Variants in PTPN1 observed in about 807,000 individuals in gnomAD.
PTPN1 encodes the protein tyrosine-protein phosphatase non-receptor type 1.
PTPN1 carries 12 observed loss-of-function variants against 59.9 expected under a neutral mutation model. That is an observed-to-expected ratio of 0.20 (90% CI 0.13 to 0.32). The LOEUF (loss-of-function observed/expected upper bound fraction) is 0.32, where lower values mean the gene tolerates loss of function less well. Among genes scored for constraint, PTPN1 ranks in the 10% least tolerant of loss-of-function variants. The pLI is 1.00. For synonymous variants in PTPN1, 178 were observed against 203.6 expected, an observed-to-expected ratio of 0.87 and a Z score of 1.07; for missense variants, 356 against 549.2, an observed-to-expected ratio of 0.65 and a Z score of 3.52.
chr20:50,581,124 C>T, intron 8 of PTPN1, 141 bp from the exon 9 acceptor site: 6 of 1,371,084 alleles, frequency 4.4e-6, no homozygotes, highest in Non-Finnish European at 5.7e-6. Flanking sequence ...GCAGAGGGGG[C>T]TGGCTCGCTG....
At chr20:50,555,466 G>T (rs572891350) in intron 1 of PTPN1, among the ~76,000 whole-genome samples, 2 of 152,202 alleles carry the variant, frequency 1.3e-5, no homozygotes, top group Non-Finnish European at 2.9e-5. Context: ...TTGTATCTTG[G>T]TTGCATTGAT....
In PTPN1 at chr20:50,547,373, C is replaced by A. The variant is rs115844808; in HGVS notation, c.64-13990C>A. Reference sequence around the variant, plus strand: ...CCCAAATTCATTTTATCTGCATTAACTTTTTTTTTTTTGAGAGTCTCGCTC... The same window carrying A: ...CCCAAATTCATTTTATCTGCATTAAATTTTTTTTTTTTGAGAGTCTCGCTC... On this transcript the variant is annotated intron_variant, in intron 1 of 9. Coordinates refer to ENST00000371621, the MANE Select transcript of PTPN1 (RefSeq NM_002827.4). Among the ~76,000 whole-genome samples, 849 of 147,304 alleles carry A rather than the reference C, an allele frequency of 5.8e-3. 4 individuals carry two copies. Among genetic ancestry groups the A allele is most frequent in the Middle Eastern group, 0.035 (10 of 282 alleles).
Position 50,561,364 on chromosome 20 carries a change from A to T in PTPN1, c.65A>T (p.Asp22Val). 6.2e-7 allele frequency: 1 copy of T among 1,603,476 alleles called. No homozygotes were observed. The highest frequency in any genetic ancestry group is 8.5e-7 in the Non-Finnish European group (1 of 1,175,292). ...AAATGTCTTTATTCTTTTTTGTAGG[A>T]TATCCGACATGAAGCCAGTGACTTC... ...KSGSWAAIYQDIRHEASDFPC... is the reference protein window; with the variant it reads ...KSGSWAAIYQVIRHEASDFPC... Residue 22 changes from aspartate (D) to valine (V), a missense_variant and splice_region_variant, in exon 2 of 10, where the codon GAT (aspartate) becomes GTT (valine). This residue lies in a region of PTPN1 where 194 missense variants were observed against 344.2 expected (regional missense o/e 0.56). Transcript: ENST00000371621.
chr20:50,522,307 G>A (rs1414597204), intron 1 of PTPN1, among the ~76,000 whole-genome samples: 2 of 152,160 alleles, frequency 1.3e-5, no homozygotes, highest in Non-Finnish European at 2.9e-5. Flanking sequence ...TGACCAACTT[G>A]AAGTTACATT....
intron 1 of PTPN1, among the ~76,000 whole-genome samples, chr20:50,556,068 CT>C (rs889013154): frequency 6.6e-6 from 1 of 151,412 alleles, no homozygotes; most frequent in Non-Finnish European, 1.5e-5. Flanking sequence ...TAGCATTTCC[CT>C]GAAAGCTTAA....
rs771988540 is a variant in PTPN1, at chr20:50,579,242, G to T, written c.777G>T (p.Gly259=). The T allele has an allele frequency of 4.3e-5, 70 of 1,614,130 alleles. No individual in the cohort carries two copies. Among genetic ancestry groups the T allele is most frequent in the Non-Finnish European group, 5.5e-5 (65 of 1,180,046 alleles). The stretch of plus-strand genomic sequence containing the variant: ...TAGAAATGAGGAAGTTTCGGATGGG[G>T]CTGATCCAGACAGCCGACCAGCTGC... The part of the protein sequence containing the change: ...VLLEMRKFRM[G]LIQTADQLRF... Residue 259 remains glycine (G), a synonymous_variant, in exon 7 of 10, where the codon GGG becomes GGT. Coordinates refer to ENST00000371621, the MANE Select transcript of PTPN1 (RefSeq NM_002827.4).
At position 50,568,382 on chromosome 20, in the gene PTPN1, C is replaced by T. The variant is rs747922647; in HGVS notation, c.258C>T (p.Gly86=). The part of the protein sequence containing the change: ...EAQRSYILTQ[G]PLPNTCGHFW... ...GTTGTGTTATTGTGTCTTTGCAGGG[C>T]CCTTTGCCTAACACATGCGGTCACT... Residue 86 remains glycine (G), a splice_region_variant and synonymous_variant, in exon 4 of 10, where the codon GGC becomes GGT. Transcript: ENST00000371621. This position sits in a 1 kb window ranked among gnomAD's most constrained non-coding sequence, Gnocchi z 5.6. 1 of 1,613,710 alleles carries T rather than the reference C, an allele frequency of 6.2e-7. No homozygotes were observed. Among genetic ancestry groups the T allele is most frequent in the South Asian group, 1.1e-5 (1 of 91,076 alleles).
chr20:50,538,324 A>G (rs151250695), intron 1 of PTPN1, among the ~76,000 whole-genome samples: 9 of 152,264 alleles, frequency 5.9e-5, no homozygotes, highest in African/African-American at 1.9e-4. Flanking sequence ...GTCAGGTTGC[A>G]TGGGGTAGCT....
At chr20:50,541,601 A>G (rs2082653003) in intron 1 of PTPN1, among the ~76,000 whole-genome samples, 1 of 152,140 alleles carries the variant, frequency 6.6e-6, no homozygotes, top group Admixed American at 6.5e-5. Flanking sequence ...AGGTCATCGT[A>G]GTATGGCGTG....
intron 1 of PTPN1, among the ~76,000 whole-genome samples, chr20:50,530,614 C>T (rs1301090793): frequency 6.6e-6 from 1 of 152,126 alleles, no homozygotes; most frequent in African/African-American, 2.4e-5. Flanking sequence ...TCCTCGGCCT[C>T]CCAAAGTGCT....
Position 50,548,192 on chromosome 20 carries a change from G to A in PTPN1, c.64-13171G>A, listed in dbSNP as rs1479839913. On this transcript the variant is annotated intron_variant, in intron 1 of 9. Transcript: ENST00000371621. The stretch of plus-strand genomic sequence containing the variant: ...TGCTGCATCCTGGGCGCATTTCTCT[G>A]TAGTAGCTTTCAATTTGCTCATGCT... Among the ~76,000 whole-genome samples, 7 of 152,072 alleles carry A rather than the reference G, an allele frequency of 4.6e-5. No homozygotes were observed. The East Asian group carries it at 9.6e-4, about 21-fold the overall frequency.
At chr20:50,564,122 T>C (rs997073978) in intron 2 of PTPN1, among the ~76,000 whole-genome samples, 6 of 152,002 alleles carry the variant, frequency 3.9e-5, no homozygotes, top group Non-Finnish European at 7.4e-5. Context: ...TTCATGCTGC[T>C]GTGTACTTAG....
At chr20:50,521,021 A>G (rs1418439819) in intron 1 of PTPN1, among the ~76,000 whole-genome samples, 1 of 152,254 alleles carries the variant, frequency 6.6e-6, no homozygotes, top group Non-Finnish European at 1.5e-5. Flanking sequence ...TGGTAGCATT[A>G]TATGGCTGTG....
At position 50,582,870 on chromosome 20, in the gene PTPN1, C is replaced by G; in HGVS notation, c.*155C>G. ...TTGGTTCTGCACTAAAACCCATCTT[C>G]CCCGGATGTGTGTCTCACCCCTCAT... On this transcript the variant is annotated 3_prime_UTR_variant, in exon 10 of 10. Transcript: ENST00000371621. This position sits in a 1 kb window ranked among gnomAD's most constrained non-coding sequence, Gnocchi z 4.2. 2.4e-6 allele frequency: 2 copies of G among 819,120 alleles called. No homozygotes were observed. Among genetic ancestry groups the G allele is most frequent in the South Asian group, 1.6e-5 (1 of 62,752 alleles). 50.7% of individuals were successfully genotyped at this position (819,120 alleles called of 1,614,324 possible). A position where few individuals can be genotyped will look rare whatever the true frequency, so the allele number is the denominator to read the frequency against.
chr20:50,549,262 A>G (rs1319718309), intron 1 of PTPN1, among the ~76,000 whole-genome samples: 1 of 152,110 alleles, frequency 6.6e-6, no homozygotes, highest in East Asian at 1.9e-4. Flanking sequence ...ATTGTTTTAT[A>G]TTTGGAGCAG....
At chr20:50,547,332 A>G (rs2082679972) in intron 1 of PTPN1, among the ~76,000 whole-genome samples, 1 of 152,114 alleles carries the variant, frequency 6.6e-6, no homozygotes, top group Non-Finnish European at 1.5e-5. Context: ...TGCTGTTTCT[A>G]AATTCTGGTT....
chr20:50,560,782 ATTGT>A (rs1184663273), intron 1 of PTPN1, among the ~76,000 whole-genome samples: 2 of 152,070 alleles, frequency 1.3e-5, no homozygotes, highest in Non-Finnish European at 2.9e-5. Flanking sequence ...CAAATAAAAG[ATTGT>A]TTAATGTGAT....
intron 8 of PTPN1, 125 bp from the exon 9 acceptor site, chr20:50,581,140 T>G: frequency 7.1e-7 from 1 of 1,413,944 alleles, no homozygotes; most frequent in Non-Finnish European, 9.3e-7. Flanking sequence ...CGCTGGAAGG[T>G]TAACATCATC....
chr20:50,526,087 A>ATG lies in PTPN1; in HGVS notation c.63+15510_63+15511dup, dbSNP rs140304351. 6.8e-4 allele frequency among the ~76,000 whole-genome samples: 103 copies of ATG among 151,730 alleles called. 1 individual carries two copies. The highest frequency in any genetic ancestry group is 6.2e-3 in the South Asian group (30 of 4,804). ...GGGTGCGGGGGAGCACATAGGGTGT[A>ATG]TGTGTGTGTGTGTGCGCGTGCAGAT... On this transcript the variant is annotated intron_variant, in intron 1 of 9. Transcript: ENST00000371621.
Sources: allele counts gnomAD v4.1 joint callset (sites outside exome capture counted in the v4.1 genomes callset), GRCh38; gene constraint gnomAD v4.1.1; regional missense constraint gnomAD v4.1.1; non-coding constraint Gnocchi (gnomAD v3.1); transcripts MANE v1.5; gene names NCBI Gene and HGNC (gene_info 2026-07-23, HGNC 2026-07-21).